The following RB1 variants were observed in gnomAD, a reference collection of about 807,000 sequenced individuals.
The protein encoded by RB1 is retinoblastoma-associated protein.
Under a neutral mutation model 135.4 loss-of-function variants are expected in RB1, and 18 were observed. The observed-to-expected ratio is 0.13, with a 90% confidence interval of 0.09 to 0.20. The LOEUF (loss-of-function observed/expected upper bound fraction) is 0.20, where lower values mean the gene tolerates loss of function less well. Ranked by LOEUF, RB1 falls within the 10% of genes least tolerant of loss-of-function variation. The pLI is 1.00. For missense variants in RB1, 868 were observed against 1,110.0 expected (o/e 0.78, Z 3.10); for synonymous variants, 365 against 373.2 (o/e 0.98, Z 0.25).
At chr13:48,425,893 G>C (rs1949072429) in intron 17 of RB1, among the ~76,000 whole-genome samples, 1 of 152,156 alleles carries the variant, frequency 6.6e-6, no homozygotes, top group Non-Finnish European at 1.5e-5. Context: ...CTAAAATTCA[G>C]AGAAGTTGTG....
At chr13:48,367,422 A>C (rs554851948) in intron 9 of RB1, 72 bp from the exon 10 acceptor site, 1 of 1,522,796 alleles carries the variant, frequency 6.6e-7, no homozygotes, top group Non-Finnish European at 8.9e-7. Flanking sequence ...CTTTAATGAA[A>C]TCTGTGCCTC....
At chr13:48,349,477 A>G (rs1336180420) in intron 6 of RB1, among the ~76,000 whole-genome samples, 1 of 151,976 alleles carries the variant, frequency 6.6e-6, no homozygotes, top group Non-Finnish European at 1.5e-5. Context: ...AGTTGAAATA[A>G]TGGGTTATAA....
At chr13:48,357,933 CAAGT>C (rs1247239996) in intron 6 of RB1, among the ~76,000 whole-genome samples, 1 of 152,070 alleles carries the variant, frequency 6.6e-6, no homozygotes, top group East Asian at 1.9e-4. Flanking sequence ...AACTTACAGT[CAAGT>C]AAGGGAGATA....
chr13:48,426,591 C>T (rs1177680787), intron 17 of RB1: 1 of 152,270 alleles, frequency 6.6e-6, no homozygotes, highest in Non-Finnish European at 1.5e-5. Context: ...CCTGTTACAA[C>T]TAGCCATTCA....
chr13:48,318,575 C>T, intron 2 of RB1: 1 of 653,290 alleles, frequency 1.5e-6, no homozygotes. Flanking sequence ...CCTGGACGGG[C>T]AGGTCCCGCC....
chr13:48,381,564 T>C, intron 17 of RB1, 121 bp downstream of exon 17: 1 of 955,248 alleles, frequency 1.0e-6, no homozygotes, highest in Non-Finnish European at 1.6e-6. Flanking sequence ...TGAATAATGT[T>C]ATTTCAGTCT....
rs2138084073 is a variant in RB1 at position 48,342,703 on chromosome 13, C to G, written c.369C>G (p.Asn123Lys). ...TCACTTTTACTGAGCTACAGAAAAA[C>G]ATAGAAATCAGGTAAAGTTTCTTGT... is the stretch of plus-strand genomic sequence containing the variant. Reference protein sequence around the residue: ...MSFTFTELQKNIEISVHKFFN... With the variant: ...MSFTFTELQKKIEISVHKFFN... The change falls in exon 3 of 27, where the codon AAC becomes AAG. Residue 123 changes from asparagine to lysine, a missense_variant. Asn to Lys is a moderately conservative substitution (Grantham distance 94). Coordinates refer to ENST00000267163, the MANE Select transcript of RB1 (RefSeq NM_000321.3). 6.3e-7 allele frequency: 1 copy of G among 1,598,122 alleles called. No homozygotes were observed. Among genetic ancestry groups the G allele is most frequent in the South Asian group, 1.1e-5 (1 of 90,686 alleles).
At position 48,451,074 on chromosome 13, in the gene RB1, T is replaced by G. The variant is rs919999103; in HGVS notation, c.1696-1919T>G. Among the ~76,000 whole-genome samples, 3 of 151,742 alleles carry G rather than the reference T, an allele frequency of 2.0e-5. No homozygotes were observed. In the East Asian group the frequency reaches 5.8e-4, roughly 29 times the overall value. On this transcript the variant is annotated intron_variant, in intron 17 of 26. Coordinates refer to ENST00000267163, the MANE Select transcript of RB1 (RefSeq NM_000321.3). ...GTTGCTTATCAGCTTAAGAATGTTT[T>G]GGGTTAAGATGATAATTTGACCTCC... is the stretch of plus-strand genomic sequence containing the variant.
intron 20 of RB1, 107 bp from the exon 21 acceptor site, chr13:48,463,624 T>C (rs1949418725): frequency 1.3e-6 from 1 of 750,348 alleles, no homozygotes; most frequent in South Asian, 1.5e-5. Flanking sequence ...AATAACTCTG[T>C]AGATTAAACC....
chr13:48,362,883 A>C lies in RB1; in HGVS notation c.787A>C (p.Ile263Leu). The C allele has an allele frequency of 6.2e-7, 1 of 1,613,924 alleles. No individual in the cohort carries two copies. Among genetic ancestry groups the C allele is most frequent in the South Asian group, 1.1e-5 (1 of 91,078 alleles). ...PRRGQNRSAR[I>L]AKQLENDTRI... ...GCGAGGTCAGAACAGGAGTGCACGG[A>C]TAGCAAAACAACTAGAAAATGATAC... Residue 263 changes from isoleucine to leucine, a missense_variant, in exon 8 of 27, where the codon ATA becomes CTA. Physicochemically the swap from Ile to Leu is conservative, Grantham distance 5 (BLOSUM62 2). This residue lies in a region of RB1 where 641 missense variants were observed against 791.3 expected (regional missense o/e 0.81). Coordinates refer to ENST00000267163, the MANE Select transcript of RB1 (RefSeq NM_000321.3).
Position 48,465,253 on chromosome 13 carries a change from T to C in RB1, c.2374T>C (p.Phe792Leu), listed in dbSNP as rs1949432659. 6.2e-7 allele frequency: 1 copy of C among 1,613,826 alleles called. No individual in the cohort carries two copies. The highest frequency in any genetic ancestry group is 8.5e-7 in the Non-Finnish European group (1 of 1,179,858). The change falls in exon 23 of 27, where the codon TTT becomes CTT. Residue 792 changes from phenylalanine to leucine, a missense_variant. Coordinates refer to ENST00000267163, the MANE Select transcript of RB1 (RefSeq NM_000321.3). The stretch of plus-strand genomic sequence containing the variant: ...TCACATTCCTCGAAGCCCTTACAAG[T>C]TTCCTAGTTCACCCTTACGGATTCC... ...IPHIPRSPYK[F>L]PSSPLRIPGG...
intron 6 of RB1, among the ~76,000 whole-genome samples, chr13:48,352,782 G>T (rs569156287): frequency 6.6e-6 from 1 of 152,038 alleles, no homozygotes; most frequent in African/African-American, 2.4e-5. Flanking sequence ...TCTAGATATA[G>T]CATCATGTCA....
Position 48,442,588 on chromosome 13 carries a change from G to A in RB1, c.1696-10405G>A, listed in dbSNP as rs181963356. Among the ~76,000 whole-genome samples, 3 of 152,252 alleles carry A rather than the reference G, an allele frequency of 2.0e-5. No individual in the cohort carries two copies. The East Asian group carries it at 5.8e-4, about 29-fold the overall frequency. ...AGGTTTTTTTCCTGGCTATTAGAAA[G>A]GAGGAAGACCCTCACTGAATTGAAG... On this transcript the variant is annotated intron_variant, in intron 17 of 26. Transcript: ENST00000267163.
intron 2 of RB1, among the ~76,000 whole-genome samples, chr13:48,313,910 G>A (rs1048429256): frequency 9.2e-5 from 14 of 151,794 alleles, no homozygotes; most frequent in African/African-American, 3.1e-4. Flanking sequence ...CACCACGCCC[G>A]GCTAATTTTT....
rs2138123062 is a variant in RB1 at position 48,368,513 on chromosome 13, T to C, written c.1050-14T>C. ...ATTTTCAGTATGTGAATGACTTCAC[T>C]TATTGTTATTTAGTTTTGAAACACA... On this transcript the variant is annotated splice_polypyrimidine_tract_variant and intron_variant, in intron 10 of 26. Transcript: ENST00000267163. 1 of 1,612,956 alleles carries C rather than the reference T, an allele frequency of 6.2e-7. No homozygotes were observed.
chr13:48,314,923 G>A (rs1171018459), intron 2 of RB1, among the ~76,000 whole-genome samples: 2 of 152,124 alleles, frequency 1.3e-5, no homozygotes, highest in Admixed American at 6.5e-5. Flanking sequence ...CGTATCCTTT[G>A]AACTACATCT....
chr13:48,379,519 C>CAA (rs11449461), intron 13 of RB1, 75 bp from the exon 14 acceptor site: 178,781 of 1,050,310 alleles, frequency 0.17, 2 homozygotes, highest in Non-Finnish European at 0.19. Context: ...GACTCCATCT[C>CAA]AAAAAAAAAA....
At chr13:48,432,350 T>A (rs7329733) in intron 17 of RB1, among the ~76,000 whole-genome samples, 7,602 of 152,172 alleles carry the variant, frequency 0.05, 627 homozygotes, top group African/African-American at 0.17. Context: ...TTCAACTTGG[T>A]AAGATTCTAC....
intron 17 of RB1, among the ~76,000 whole-genome samples, chr13:48,388,468 A>G (rs146027993): frequency 7.9e-5 from 12 of 152,316 alleles, no homozygotes; most frequent in Admixed American, 2.6e-4. Flanking sequence ...CTTTTTTGAC[A>G]GTTTATCTTG....
Sources: allele counts gnomAD v4.1 joint callset (sites outside exome capture counted in the v4.1 genomes callset), GRCh38; gene constraint gnomAD v4.1.1; regional missense constraint gnomAD v4.1.1; transcripts MANE v1.5; gene names NCBI Gene and HGNC (gene_info 2026-07-23, HGNC 2026-07-21).